Variants in NAALADL2 observed in about 807,000 individuals in gnomAD.
The protein encoded by NAALADL2 is N-acetylated alpha-linked acidic dipeptidase like 2.
Under a neutral mutation model 87.2 loss-of-function variants are expected in NAALADL2, and 76 were observed. The ratio of observed to expected loss-of-function variants is 0.87; its 90% confidence interval spans 0.72 to 1.05. The LOEUF (loss-of-function observed/expected upper bound fraction) is 1.05, where lower values mean the gene tolerates loss of function less well. NAALADL2 is among the 50% of genes least tolerant of loss of function. The pLI, the probability that NAALADL2 is intolerant of heterozygous loss-of-function variation, is 0.00. For synonymous variants in NAALADL2, 354 were observed against 331.0 expected, an observed-to-expected ratio of 1.07 and a Z score of -0.75; for missense variants, 1,089 against 945.8, an observed-to-expected ratio of 1.15 and a Z score of -1.99.
Position 175,128,935 on chromosome 3 carries a change from G to T in NAALADL2, c.545+31644G>T, listed in dbSNP as rs200600650. 5.2e-3 allele frequency among the ~76,000 whole-genome samples: 771 copies of T among 149,026 alleles called. 4 individuals are homozygous for T. Among genetic ancestry groups the T allele is most frequent in the East Asian group, 0.022 (114 of 5,074 alleles). On this transcript the variant is annotated intron_variant, in intron 2 of 13. Coordinates refer to ENST00000454872, the MANE Select transcript of NAALADL2 (RefSeq NM_207015.3). ...GTGTACTAGTTACCAATTTTTTTTT[G>T]TTTGTTTGTTTGTTTGTTTTTGAGA... is the stretch of plus-strand genomic sequence containing the variant.
intron 12 of NAALADL2, among the ~76,000 whole-genome samples, chr3:175,748,085 A>T (rs1171343685): frequency 6.6e-6 from 1 of 152,036 alleles, no homozygotes; most frequent in Non-Finnish European, 1.5e-5. Flanking sequence ...TTTCTATTTC[A>T]TTCAGTTTAG....
intron 11 of NAALADL2, among the ~76,000 whole-genome samples, chr3:175,670,739 T>C (rs890849759): frequency 2.6e-5 from 4 of 151,106 alleles, no homozygotes; most frequent in African/African-American, 9.7e-5. Context: ...CATTTCAATA[T>C]TACCACACAA....
chr3:174,682,731 C>T (rs1727666590), intron 2 of NAALADL2, among the ~76,000 whole-genome samples: 1 of 152,186 alleles, frequency 6.6e-6, no homozygotes, highest in South Asian at 2.1e-4. Flanking sequence ...TGACCAAAAA[C>T]TTAGAGTACA....
At position 174,605,480 on chromosome 3, in the gene NAALADL2, C is replaced by T. The variant is rs149952566; in HGVS notation, c.-115+54843C>T. On this transcript the variant is annotated intron_variant, in intron 2 of 3. Transcript: ENST00000434257. ...CTCCCACCCGAATACTGCACTTTTC[C>T]GATGGGCTTAAAAAACGGTGCACCA... Among the ~76,000 whole-genome samples, 1,051 of 152,294 alleles carry T rather than the reference C, an allele frequency of 6.9e-3. 11 individuals are homozygous for T. Among genetic ancestry groups the T allele is most frequent in the African/African-American group, 0.024 (999 of 41,578 alleles).
At chr3:175,596,787 C>T (rs932658199) in intron 10 of NAALADL2, among the ~76,000 whole-genome samples, 1 of 151,880 alleles carries the variant, frequency 6.6e-6, no homozygotes, top group African/African-American at 2.4e-5. Flanking sequence ...CAGAACCTAG[C>T]TGTATATGGC....
In NAALADL2 at chr3:175,627,136, G is replaced by T. The variant is rs115025594; in HGVS notation, c.1801-155G>T. Among the ~76,000 whole-genome samples the T allele has an allele frequency of 6.8e-3, 1,029 of 151,848 alleles. 9 individuals are homozygous for T. Among genetic ancestry groups the T allele is most frequent in the African/African-American group, 0.024 (987 of 41,472 alleles). ...ATCATTTTAATTTATACATATTCTG[G>T]GATGGGTAGTTAGATCAGGAGAATG... is the stretch of plus-strand genomic sequence containing the variant. On this transcript the variant is annotated intron_variant, in intron 10 of 13. Coordinates refer to ENST00000454872, the MANE Select transcript of NAALADL2 (RefSeq NM_207015.3).
At chr3:174,852,366 T>C (rs1461876826) in intron 3 of NAALADL2, among the ~76,000 whole-genome samples, 1 of 152,108 alleles carries the variant, frequency 6.6e-6, no homozygotes, top group Non-Finnish European at 1.5e-5. Context: ...ACAAATTTAG[T>C]AAAGTTTCAG....
chr3:175,334,598 G>A (rs1761789911), intron 5 of NAALADL2, among the ~76,000 whole-genome samples: 1 of 152,042 alleles, frequency 6.6e-6, no homozygotes, highest in Non-Finnish European at 1.5e-5. Context: ...TACATAAAAT[G>A]CAGCATACTA....
At chr3:175,534,361 A>G (rs983067958) in intron 9 of NAALADL2, among the ~76,000 whole-genome samples, 1 of 152,194 alleles carries the variant, frequency 6.6e-6, no homozygotes, top group Non-Finnish European at 1.5e-5. Context: ...TCTGCAAGCT[A>G]AGGAGCAAGG....
chr3:174,666,789 T>G (rs1052459070), intron 2 of NAALADL2, among the ~76,000 whole-genome samples: 14 of 152,156 alleles, frequency 9.2e-5, no homozygotes, highest in Non-Finnish European at 1.8e-4. Context: ...CTAGAATTTT[T>G]TATATTTCAA....
At chr3:175,792,477 T>C (rs1752914707) in intron 13 of NAALADL2, among the ~76,000 whole-genome samples, 1 of 152,330 alleles carries the variant, frequency 6.6e-6, no homozygotes, top group South Asian at 2.1e-4. Context: ...GATTTTGAAG[T>C]GTTCAAATCA....
chr3:175,377,806 G>A (rs1453124549), intron 5 of NAALADL2, among the ~76,000 whole-genome samples: 1 of 152,182 alleles, frequency 6.6e-6, no homozygotes, highest in Non-Finnish European at 1.5e-5. Flanking sequence ...TGACTTCAGA[G>A]GGACAGCTTG....
intron 1 of NAALADL2, among the ~76,000 whole-genome samples, chr3:174,996,313 C>G (rs1054712928): frequency 2.0e-5 from 3 of 151,016 alleles, no homozygotes; most frequent in African/African-American, 7.4e-5. Flanking sequence ...CTGGCTAACA[C>G]GGTGAAACCC....
At chr3:174,980,610 A>G (rs1744985040) in intron 1 of NAALADL2, among the ~76,000 whole-genome samples, 1 of 152,208 alleles carries the variant, frequency 6.6e-6, no homozygotes. Context: ...TAATTTTAAT[A>G]TGTGTATCAT....
chr3:175,688,170 T>G (rs114859265), intron 11 of NAALADL2, among the ~76,000 whole-genome samples: 1 of 152,210 alleles, frequency 6.6e-6, no homozygotes, highest in African/African-American at 2.4e-5. Flanking sequence ...GAAATGACAT[T>G]ATTACAATGA....
chr3:175,018,277 A>G (rs1276170504), intron 1 of NAALADL2, among the ~76,000 whole-genome samples: 6 of 152,034 alleles, frequency 3.9e-5, no homozygotes, highest in Non-Finnish European at 8.8e-5. Context: ...AAAGTCCTGT[A>G]TATTTGAGAT....
At chr3:175,438,338 C>G (rs1034709710) in intron 5 of NAALADL2, among the ~76,000 whole-genome samples, 1 of 151,998 alleles carries the variant, frequency 6.6e-6, no homozygotes, top group African/African-American at 2.4e-5. Context: ...AAATGACTAA[C>G]CAATTTAGTG....
chr3:175,796,084 AGAGAGTGGGG>A lies in NAALADL2; in HGVS notation c.2190-6905_2190-6896del, dbSNP rs769139057. Reference sequence around the variant, plus strand: ...TTGGCAGGGAGGGAGGGAGAAGGAGAGAGAGTGGGGGAGAGTGGGGGAGAGGCAGGGTGGG... The same window carrying A: ...TTGGCAGGGAGGGAGGGAGAAGGAGAGAGAGTGGGGGAGAGGCAGGGTGGG... On this transcript the variant is annotated intron_variant, in intron 13 of 13. Coordinates refer to ENST00000454872, the MANE Select transcript of NAALADL2 (RefSeq NM_207015.3). Among the ~76,000 whole-genome samples, 76 of 92,614 alleles carry A rather than the reference AGAGAGTGGGG, an allele frequency of 8.2e-4. No homozygotes were observed. The South Asian group carries it at 0.012, about 15-fold the overall frequency. The allele number at this position is 92,614 out of a possible 152,430, so 60.8% of individuals were successfully genotyped here.
At chr3:174,993,830 T>C (rs1267489422) in intron 1 of NAALADL2, among the ~76,000 whole-genome samples, 3 of 152,214 alleles carry the variant, frequency 2.0e-5, no homozygotes, top group Non-Finnish European at 2.9e-5. Context: ...CACAGGTCCA[T>C]GCTCTTTGAA....
Sources: allele counts gnomAD v4.1 joint callset (sites outside exome capture counted in the v4.1 genomes callset), GRCh38; gene constraint gnomAD v4.1.1; transcripts MANE v1.5; gene names NCBI Gene and HGNC (gene_info 2026-07-23, HGNC 2026-07-21).